The following TBX15 variants were observed in gnomAD, a reference collection of about 807,000 sequenced individuals.
TBX15 encodes T-box transcription factor 15.
In TBX15, 18 loss-of-function variants were observed where a neutral mutation model predicts 53.9. The observed-to-expected ratio is 0.33, with a 90% CI of 0.23 to 0.49. The LOEUF (loss-of-function observed/expected upper bound fraction) is 0.49, where lower values mean the gene tolerates loss of function less well. Among genes scored for constraint, TBX15 ranks in the 20% least tolerant of loss-of-function variants. The pLI is 0.98. For missense variants in TBX15, 692 were observed against 749.5 expected (o/e 0.92, Z 0.90); for synonymous variants, 295 against 278.0 (o/e 1.06, Z -0.61).
At position 118,893,586 on chromosome 1, in the gene TBX15, G is replaced by GAAA. The variant is rs1450557764; in HGVS notation, c.1024+5441_1024+5442insTTT. 4.2e-5 allele frequency among the ~76,000 whole-genome samples: 5 copies of GAAA among 119,768 alleles called. 1 individual carries two copies. Among genetic ancestry groups the GAAA allele is most frequent in the African/African-American group, 2.7e-4 (5 of 18,774 alleles). 78.6% of individuals were successfully genotyped at this position (119,768 alleles called of 152,430 possible). ...AGAAGGAAGGAAGGAAAGAAAGAAAGGAAGGAAGGAAGGAAAGAAAGAAAG... is the reference window on the plus strand; with the variant it reads ...AGAAGGAAGGAAGGAAAGAAAGAAAGAAAGAAGGAAGGAAGGAAAGAAAGAAAG... On this transcript the variant is annotated intron_variant, in intron 7 of 7. Coordinates refer to ENST00000369429, the MANE Select transcript of TBX15 (RefSeq NM_001330677.2).
At chr1:118,954,598 G>T (rs1571202739) in intron 1 of TBX15, among the ~76,000 whole-genome samples, 1 of 152,350 alleles carries the variant, frequency 6.6e-6, no homozygotes, top group East Asian at 1.9e-4. Flanking sequence ...AGTTCACTAT[G>T]CTCCAACTCC....
chr1:118,889,757 C>T (rs1212317127), intron 7 of TBX15, among the ~76,000 whole-genome samples: 1 of 151,774 alleles, frequency 6.6e-6, no homozygotes, highest in African/African-American at 2.4e-5. Flanking sequence ...TAATAGTATA[C>T]ATTACAAAGT....
At position 118,951,417 on chromosome 1, in the gene TBX15, G is replaced by A. The variant is rs144140930; in HGVS notation, c.206-19585C>T. 9.3e-4 allele frequency among the ~76,000 whole-genome samples: 142 copies of A among 152,276 alleles called. 1 individual carries two copies. Among genetic ancestry groups the A allele is most frequent in the Admixed American group, 3.1e-3 (47 of 15,298 alleles). ...ATAACCTATGCCACCCCTACTTCTCGCAGCTGGAGAAAGTCCAGTGGAGGG... is the reference window on the plus strand; with the variant it reads ...ATAACCTATGCCACCCCTACTTCTCACAGCTGGAGAAAGTCCAGTGGAGGG... On this transcript the variant is annotated intron_variant, in intron 1 of 7. Coordinates refer to ENST00000369429, the MANE Select transcript of TBX15 (RefSeq NM_001330677.2).
chr1:118,973,802 T>G (rs1361388650), intron 1 of TBX15, among the ~76,000 whole-genome samples: 1 of 151,950 alleles, frequency 6.6e-6, no homozygotes, highest in Non-Finnish European at 1.5e-5. Context: ...ACACACTGGC[T>G]GAGGCTTGGT....
At chr1:118,887,135 C>A (rs1317178167) in intron 7 of TBX15, among the ~76,000 whole-genome samples, 2 of 152,164 alleles carry the variant, frequency 1.3e-5, no homozygotes, top group African/African-American at 2.4e-5. Flanking sequence ...TATTTGAATT[C>A]TGGAAAGAGC....
At chr1:118,974,628 T>C (rs560205312) in intron 1 of TBX15, among the ~76,000 whole-genome samples, 2 of 152,188 alleles carry the variant, frequency 1.3e-5, no homozygotes, top group Non-Finnish European at 2.9e-5. Flanking sequence ...TCTCATCCAC[T>C]TACAGCATTA....
intron 3 of TBX15, 140 bp downstream of exon 3, chr1:118,926,370 T>C (rs2101599725): frequency 1.3e-6 from 1 of 793,130 alleles, no homozygotes; most frequent in East Asian, 2.7e-5. Context: ...CCTGGTGCTC[T>C]GCCACAGGCC....
intron 1 of TBX15, among the ~76,000 whole-genome samples, chr1:118,959,176 C>G (rs1200918316): frequency 6.6e-6 from 1 of 152,152 alleles, no homozygotes; most frequent in Non-Finnish European, 1.5e-5. Context: ...ATTAAGGCCT[C>G]TTCTGCACCA....
chr1:118,888,060 C>T (rs1654012478), intron 7 of TBX15, among the ~76,000 whole-genome samples: 1 of 152,190 alleles, frequency 6.6e-6, no homozygotes, highest in Non-Finnish European at 1.5e-5. Context: ...TTCTAATACT[C>T]AACTTAAAAT....
chr1:118,985,623 G>T (rs1048135959), intron 1 of TBX15, among the ~76,000 whole-genome samples: 14 of 152,242 alleles, frequency 9.2e-5, no homozygotes, highest in Non-Finnish European at 1.0e-4. Flanking sequence ...AAGCCAGAGG[G>T]TGCTGGGCTT....
At chr1:118,965,925 G>A (rs954243489) in intron 1 of TBX15, among the ~76,000 whole-genome samples, 2 of 152,160 alleles carry the variant, frequency 1.3e-5, no homozygotes, top group Admixed American at 6.5e-5. Flanking sequence ...TATCATACAT[G>A]TATGTGGAAT....
intron 6 of TBX15, among the ~76,000 whole-genome samples, chr1:118,910,910 A>C (rs558281236): frequency 6.6e-6 from 1 of 152,344 alleles, no homozygotes; most frequent in Non-Finnish European, 1.5e-5. Context: ...AGTCATGGGG[A>C]GTAGACTACG....
chr1:118,967,937 T>C (rs1657108317), intron 1 of TBX15, among the ~76,000 whole-genome samples: 1 of 152,208 alleles, frequency 6.6e-6, no homozygotes, highest in Non-Finnish European at 1.5e-5. Context: ...CATTACTTAC[T>C]CCTCTCACGT....
At chr1:118,915,680 A>G (rs2101568854) in intron 5 of TBX15, among the ~76,000 whole-genome samples, 1 of 152,300 alleles carries the variant, frequency 6.6e-6, no homozygotes, top group Middle Eastern at 3.4e-3. Context: ...TTCTTCCTCC[A>G]TAATCCACAG....
chr1:118,979,798 G>A (rs929058893), intron 1 of TBX15, among the ~76,000 whole-genome samples: 7 of 152,184 alleles, frequency 4.6e-5, no homozygotes, highest in Non-Finnish European at 1.0e-4. Context: ...GGTTTCCAAG[G>A]CCCCGCGATA....
intron 1 of TBX15, among the ~76,000 whole-genome samples, chr1:118,955,313 G>C (rs1383510898): frequency 6.6e-6 from 1 of 152,028 alleles, no homozygotes; most frequent in Non-Finnish European, 1.5e-5. Flanking sequence ...GCTCATACAA[G>C]GGAAACTCCA....
At chr1:118,906,871 G>T (rs900581594) in intron 6 of TBX15, among the ~76,000 whole-genome samples, 2 of 152,164 alleles carry the variant, frequency 1.3e-5, no homozygotes, top group Middle Eastern at 3.2e-3. Flanking sequence ...CTGAGACTCA[G>T]ATTTCTTCTT....
At chr1:118,972,607 CT>C (rs1299649640) in intron 1 of TBX15, among the ~76,000 whole-genome samples, 3 of 151,064 alleles carry the variant, frequency 2.0e-5, no homozygotes, top group Admixed American at 1.3e-4. Context: ...CCTTTCTTTT[CT>C]TTTTTTTTAG....
At chr1:118,903,941 A>G (rs1654724198) in intron 6 of TBX15, among the ~76,000 whole-genome samples, 1 of 152,180 alleles carries the variant, frequency 6.6e-6, no homozygotes, top group African/African-American at 2.4e-5. Context: ...AAGATTCCAC[A>G]AAAGGCCAGT....
Sources: gnomAD v4.1 joint callset for allele counts (sites outside exome capture counted in the v4.1 genomes callset) on GRCh38, gnomAD v4.1.1 for gene constraint, MANE v1.5 for transcripts, NCBI Gene and HGNC (gene_info 2026-07-23, HGNC 2026-07-21) for gene names.